The following G3BP1 variants were observed in gnomAD, a reference collection of about 807,000 sequenced individuals.
The protein encoded by G3BP1 is G3BP stress granule assembly factor 1.
Under a neutral mutation model 58.6 loss-of-function variants are expected in G3BP1, and 35 were observed. That is an observed-to-expected ratio of 0.60 (90% CI 0.46 to 0.79). G3BP1 has a LOEUF of 0.79. Ranked by LOEUF, G3BP1 falls within the 30% of genes least tolerant of loss-of-function variation. G3BP1 has a pLI of 0.00. For synonymous variants in G3BP1, 191 were observed against 195.4 expected (o/e 0.98, Z 0.19); for missense variants, 523 against 580.8 (o/e 0.90, Z 1.02).
At position 151,795,464 on chromosome 5, in the gene G3BP1, C is replaced by T; in HGVS notation, c.443-15C>T. 1 of 1,357,002 alleles carries T rather than the reference C, an allele frequency of 7.4e-7. No homozygotes were observed. The highest frequency in any genetic ancestry group is 1.0e-6 in the Non-Finnish European group (1 of 955,578). The allele number at this position is 1,357,002 out of a possible 1,614,324, so 84.1% of individuals were successfully genotyped here. On this transcript the variant is annotated splice_polypyrimidine_tract_variant and intron_variant, in intron 5 of 11. Transcript: ENST00000356245. ...AGTAAGTACAAATTACTTTAAATAT[C>T]TTTTTCTCACTTAGAGTCTGAAGAA...
At chr5:151,803,078 A>C (rs1305451899) in intron 11 of G3BP1, among the ~76,000 whole-genome samples, 1 of 152,236 alleles carries the variant, frequency 6.6e-6, no homozygotes, top group Non-Finnish European at 1.5e-5. Flanking sequence ...GTAGCCCCTT[A>C]ACTACTTTGG....
At chr5:151,779,164 AT>A (rs139513612) in intron 1 of G3BP1, among the ~76,000 whole-genome samples, 30,196 of 152,004 alleles carry the variant, frequency 0.2, 3,538 homozygotes, top group African/African-American at 0.33. Flanking sequence ...TGCAGGGCAG[AT>A]GGTTTTAATT....
chr5:151,801,765 C>G (rs1027698562), intron 11 of G3BP1, among the ~76,000 whole-genome samples: 6 of 152,062 alleles, frequency 3.9e-5, no homozygotes, highest in African/African-American at 1.4e-4. Context: ...TACTGCAGAT[C>G]AGTGATATTC....
intron 6 of G3BP1, among the ~76,000 whole-genome samples, chr5:151,796,351 C>A (rs1762748962): frequency 6.6e-6 from 1 of 152,200 alleles, no homozygotes; most frequent in Admixed American, 6.5e-5. Context: ...TGACTGCAAC[C>A]TCCGCTTCCT....
In G3BP1 at chr5:151,808,762, A is replaced by G. The variant is rs1284678383; in HGVS notation, c.*4671A>G. On this transcript the variant is annotated 3_prime_UTR_variant, in exon 12 of 12. Coordinates refer to ENST00000356245, the MANE Select transcript of G3BP1 (RefSeq NM_005754.3). ...CCAGAAATTATTGATTTACTGAACC[A>G]AGTATTTATTTTCAGAAGCCCACTT... 3 of 152,196 alleles carry G rather than the reference A, an allele frequency of 2.0e-5. No individual in the cohort carries two copies. The highest frequency in any genetic ancestry group is 7.2e-5 in the African/African-American group (3 of 41,442). The allele number at this position is 152,196 out of a possible 1,614,324, so 9.4% of individuals were successfully genotyped here. A position where few individuals can be genotyped will look rare whatever the true frequency, so the allele number is the denominator to read the frequency against.
chr5:151,797,965 T>C (rs1419562685), intron 7 of G3BP1, among the ~76,000 whole-genome samples: 1 of 143,958 alleles, frequency 6.9e-6, no homozygotes, highest in African/African-American at 2.4e-5. Context: ...TGAACTATCG[T>C]TGAAACCTTT....
chr5:151,793,800 C>T (rs1762699595), intron 4 of G3BP1, among the ~76,000 whole-genome samples: 1 of 144,846 alleles, frequency 6.9e-6, no homozygotes, highest in South Asian at 2.2e-4. Context: ...AAAGACCAAT[C>T]CGGGCAATAT....
chr5:151,790,945 C>G lies in G3BP1; in HGVS notation c.234C>G (p.Arg78=), dbSNP rs1449280512. 6.2e-7 allele frequency: 1 copy of G among 1,610,744 alleles called. No homozygotes were observed. The highest frequency in any genetic ancestry group is 8.5e-7 in the Non-Finnish European group (1 of 1,178,138). ...TCACCAACTGCCACACCAAGATTCGCCATGTTGATGCTCATGCCACGCTAA... is the reference window on the plus strand; with the variant it reads ...TCACCAACTGCCACACCAAGATTCGGCATGTTGATGCTCATGCCACGCTAA... ...QNFTNCHTKI[R]HVDAHATLND... The change falls in exon 4 of 12, where the codon CGC becomes CGG. Residue 78 remains arginine (R), a synonymous_variant. Transcript: ENST00000356245.
intron 11 of G3BP1, among the ~76,000 whole-genome samples, chr5:151,801,463 A>G (rs1317998129): frequency 6.6e-6 from 1 of 152,246 alleles, no homozygotes; most frequent in Non-Finnish European, 1.5e-5. Context: ...TTTTTGTAGT[A>G]GTAGAGAAGA....
At position 151,797,411 on chromosome 5, in the gene G3BP1, G is replaced by A; in HGVS notation, c.724G>A (p.Val242Ile). The A allele has an allele frequency of 6.2e-7, 1 of 1,610,236 alleles. No homozygotes were observed. The highest frequency in any genetic ancestry group is 8.5e-7 in the Non-Finnish European group (1 of 1,176,800). ...AGCACCTGCAGACATAGCTCAGACAGTACAGGAAGACTTGAGGGTATGAAA... is the reference window on the plus strand; with the variant it reads ...AGCACCTGCAGACATAGCTCAGACAATACAGGAAGACTTGAGGGTATGAAA... The part of the protein sequence containing the change: ...SPAPADIAQT[V>I]QEDLRTFSWA... Residue 242 changes from valine (V) to isoleucine (I), a missense_variant, in exon 7 of 12, where the codon GTA becomes ATA. Coordinates refer to ENST00000356245, the MANE Select transcript of G3BP1 (RefSeq NM_005754.3).
At chr5:151,776,329 C>T (rs1187139531) in intron 1 of G3BP1, among the ~76,000 whole-genome samples, 1 of 152,010 alleles carries the variant, frequency 6.6e-6, no homozygotes, top group African/African-American at 2.4e-5. Context: ...TGTTTTTTTC[C>T]CCTTTAGATA....
At chr5:151,779,397 G>C (rs1478695274) in intron 1 of G3BP1, among the ~76,000 whole-genome samples, 1 of 151,986 alleles carries the variant, frequency 6.6e-6, no homozygotes, top group Non-Finnish European at 1.5e-5. Flanking sequence ...AATTGTTTCA[G>C]TACCAGTTGT....
chr5:151,800,143 C>A, intron 9 of G3BP1, 75 bp from the exon 10 acceptor site: 2 of 1,430,404 alleles, frequency 1.4e-6, no homozygotes, highest in Non-Finnish European at 9.8e-7. Context: ...AGAGGGAAAA[C>A]TATTGAATGT....
At chr5:151,802,380 A>G (rs141718935) in intron 11 of G3BP1, among the ~76,000 whole-genome samples, 2,039 of 152,284 alleles carry the variant, frequency 0.013, 24 homozygotes, top group Middle Eastern at 0.034. Flanking sequence ...GAAGTCTACT[A>G]TGCTCCCTTC....
intron 1 of G3BP1, among the ~76,000 whole-genome samples, chr5:151,778,223 G>A (rs1040549471): frequency 6.6e-6 from 1 of 152,130 alleles, no homozygotes; most frequent in Admixed American, 6.5e-5. Context: ...AGCGATGTTT[G>A]GGGGGTTCCA....
At chr5:151,781,227 A>T (rs2113220988) in intron 1 of G3BP1, among the ~76,000 whole-genome samples, 1 of 152,342 alleles carries the variant, frequency 6.6e-6, no homozygotes, top group East Asian at 1.9e-4. Flanking sequence ...CCACACAAAC[A>T]CTTTGAGACC....
rs999437200 is a variant in G3BP1, at chr5:151,808,671, G to A, written c.*4580G>A. On this transcript the variant is annotated 3_prime_UTR_variant, in exon 12 of 12. Transcript: ENST00000356245. ...ATTTTGAAATGTGGCCAGTGTCCCAGATTTGTAAGGTACAGTGTGCATACA... is the reference window on the plus strand; with the variant it reads ...ATTTTGAAATGTGGCCAGTGTCCCAAATTTGTAAGGTACAGTGTGCATACA... 2 of 152,186 alleles carry A rather than the reference G, an allele frequency of 1.3e-5. No individual in the cohort carries two copies. The highest frequency in any genetic ancestry group is 2.9e-5 in the Non-Finnish European group (2 of 68,032). The allele number at this position is 152,186 out of a possible 1,614,324, so 9.4% of individuals were successfully genotyped here. A position where few individuals can be genotyped will look rare whatever the true frequency, so the allele number is the denominator to read the frequency against.
intron 11 of G3BP1, among the ~76,000 whole-genome samples, chr5:151,801,635 A>G (rs1762851388): frequency 1.3e-5 from 2 of 152,138 alleles, no homozygotes; most frequent in African/African-American, 2.4e-5. Flanking sequence ...ACTAAAAGCC[A>G]TAAGCTCTTT....
Position 151,805,896 on chromosome 5 carries a change from T to A in G3BP1, c.*1805T>A, listed in dbSNP as rs931584362. The A allele has an allele frequency of 2.0e-5, 3 of 152,224 alleles. No homozygotes were observed. Among genetic ancestry groups the A allele is most frequent in the Non-Finnish European group, 4.4e-5 (3 of 68,040 alleles). 9.4% of individuals were successfully genotyped at this position (152,224 alleles called of 1,614,324 possible). A position where few individuals can be genotyped will look rare whatever the true frequency, so the allele number is the denominator to read the frequency against. On this transcript the variant is annotated 3_prime_UTR_variant, in exon 12 of 12. Transcript: ENST00000356245. ...TTGTGGTAACTTCAAGGTCATAAAT[T>A]ATGGATAGCCTAGAAATTATCCTTC...
Sources: allele counts gnomAD v4.1 joint callset (sites outside exome capture counted in the v4.1 genomes callset), GRCh38; gene constraint gnomAD v4.1.1; transcripts MANE v1.5; gene names NCBI Gene and HGNC (gene_info 2026-07-23, HGNC 2026-07-21).